Variants in ADGRL2 observed in about 807,000 individuals in gnomAD.
The protein encoded by ADGRL2 is calcium-independent alpha-latrotoxin receptor 2.
In ADGRL2, 44 loss-of-function variants were observed where a neutral mutation model predicts 157.4. That is an observed-to-expected ratio of 0.28 (90% confidence interval 0.22 to 0.36). ADGRL2 has a LOEUF of 0.36. Among genes scored for constraint, ADGRL2 ranks in the 10% least tolerant of loss-of-function variants. The pLI, the probability that ADGRL2 is intolerant of heterozygous loss-of-function variation, is 1.00. For synonymous variants in ADGRL2, 585 were observed against 624.7 expected, an observed-to-expected ratio of 0.94 and a Z score of 0.95; for missense variants, 1,510 against 1,768.9, an observed-to-expected ratio of 0.85 and a Z score of 2.63.
intron 2 of ADGRL2, among the ~76,000 whole-genome samples, chr1:81,866,023 A>G (rs1231894418): frequency 1.3e-5 from 2 of 152,324 alleles, no homozygotes; most frequent in South Asian, 2.1e-4. Context: ...CCAAGATCAC[A>G]TAACTGTTAA....
chr1:81,837,607 A>G (rs1317518593), intron 2 of ADGRL2, among the ~76,000 whole-genome samples: 1 of 151,980 alleles, frequency 6.6e-6, no homozygotes, highest in African/African-American at 2.4e-5. Context: ...TTAAAAATAG[A>G]TGTGGAATTT....
chr1:81,317,953 C>T (rs1303531551), intron 1 of ADGRL2, among the ~76,000 whole-genome samples: 14 of 151,946 alleles, frequency 9.2e-5, no homozygotes, highest in East Asian at 1.9e-4. Context: ...GATGACATTC[C>T]GTGATTGTAT....
chr1:81,610,229 G>GTTT (rs10657640), intron 3 of ADGRL2, among the ~76,000 whole-genome samples: 23,846 of 127,232 alleles, frequency 0.19, 2,537 homozygotes, highest in Non-Finnish European at 0.2. Context: ...TGGCTTGGAG[G>GTTT]TTTTTTTTTT....
At chr1:81,860,101 G>A (rs376789074) in intron 2 of ADGRL2, among the ~76,000 whole-genome samples, 2 of 152,016 alleles carry the variant, frequency 1.3e-5, no homozygotes, top group African/African-American at 4.8e-5. Flanking sequence ...GCAGGTGCTT[G>A]TAATCCCAGC....
chr1:81,641,423 T>A (rs1376843015), intron 3 of ADGRL2, among the ~76,000 whole-genome samples: 2 of 152,158 alleles, frequency 1.3e-5, no homozygotes, highest in African/African-American at 4.8e-5. Flanking sequence ...ACATTCTGGG[T>A]CATAAAACAG....
chr1:81,309,225 A>G (rs571736265), intron 1 of ADGRL2, among the ~76,000 whole-genome samples: 68 of 152,252 alleles, frequency 4.5e-4, no homozygotes, highest in African/African-American at 1.6e-3. Context: ...AATACCGTAT[A>G]TATTTCCTAA....
chr1:81,607,240 A>C (rs2081452991), intron 3 of ADGRL2, among the ~76,000 whole-genome samples: 1 of 152,224 alleles, frequency 6.6e-6, no homozygotes, highest in Non-Finnish European at 1.5e-5. Context: ...AACACACTCG[A>C]AGTTAAACCA....
intron 2 of ADGRL2, among the ~76,000 whole-genome samples, chr1:81,857,518 G>T (rs1302730240): frequency 6.6e-6 from 1 of 152,074 alleles, no homozygotes; most frequent in African/African-American, 2.4e-5. Flanking sequence ...TATTATAATT[G>T]CGTTGACTAG....
chr1:81,897,360 G>A (rs1319037550), intron 2 of ADGRL2, among the ~76,000 whole-genome samples: 1 of 151,990 alleles, frequency 6.6e-6, no homozygotes, highest in East Asian at 1.9e-4. Flanking sequence ...ACTATATACT[G>A]AGACTAATAG....
At chr1:81,432,082 T>C (rs944221515) in intron 1 of ADGRL2, among the ~76,000 whole-genome samples, 2 of 152,220 alleles carry the variant, frequency 1.3e-5, no homozygotes, top group African/African-American at 2.4e-5. Flanking sequence ...CACTTTAAAA[T>C]GTTTATTGCT....
In ADGRL2 at chr1:81,750,349, G is replaced by C. The variant is rs1018033768; in HGVS notation, c.-142-11462G>C. Among the ~76,000 whole-genome samples the C allele has an allele frequency of 6.8e-4, 103 of 152,138 alleles. 2 individuals carry two copies. On this transcript the variant is annotated intron_variant, in intron 1 of 20. Coordinates refer to the ADGRL2 transcript ENST00000359929. ...GATATTGGTTACAGGTAGGATGGTT[G>C]ATCAAAAAGTAAACATATTAAAAAT...
At chr1:81,774,787 G>C (rs1557640514) in intron 2 of ADGRL2, among the ~76,000 whole-genome samples, 1 of 151,858 alleles carries the variant, frequency 6.6e-6, no homozygotes, top group East Asian at 1.9e-4. Flanking sequence ...TAATTTTCTT[G>C]TTGAAGTTAT....
At chr1:81,379,995 G>C (rs984800545) in intron 1 of ADGRL2, among the ~76,000 whole-genome samples, 2 of 152,072 alleles carry the variant, frequency 1.3e-5, no homozygotes, top group Non-Finnish European at 2.9e-5. Flanking sequence ...TTAAACGGAC[G>C]TGTCCTTCCC....
At chr1:81,420,432 A>G (rs2077104691) in intron 1 of ADGRL2, among the ~76,000 whole-genome samples, 1 of 152,226 alleles carries the variant, frequency 6.6e-6, no homozygotes, top group Non-Finnish European at 1.5e-5. Flanking sequence ...ACAATAATGA[A>G]AGCAAATAGA....
chr1:81,416,130 G>A (rs1271991679), intron 1 of ADGRL2, among the ~76,000 whole-genome samples: 2 of 152,110 alleles, frequency 1.3e-5, no homozygotes, highest in Admixed American at 6.5e-5. Context: ...GATTACAGGC[G>A]TGAGCCACTG....
At chr1:81,409,436 T>C (rs539234775) in intron 1 of ADGRL2, among the ~76,000 whole-genome samples, 1 of 152,332 alleles carries the variant, frequency 6.6e-6, no homozygotes, top group South Asian at 2.1e-4. Context: ...AGTATAGCTC[T>C]AAAATTCAGA....
chr1:81,646,345 C>T (rs913510139), intron 3 of ADGRL2, among the ~76,000 whole-genome samples: 2 of 152,152 alleles, frequency 1.3e-5, no homozygotes, highest in African/African-American at 4.8e-5. Context: ...GAGGTTTTCT[C>T]AACTCCAGAT....
intron 1 of ADGRL2, among the ~76,000 whole-genome samples, chr1:81,366,999 A>G (rs1031806655): frequency 2.6e-5 from 4 of 152,192 alleles, no homozygotes; most frequent in Non-Finnish European, 4.4e-5. Context: ...TATGAATTCT[A>G]GTACCATTAA....
intron 2 of ADGRL2, among the ~76,000 whole-genome samples, chr1:81,499,892 G>A (rs754352815): frequency 3.3e-5 from 5 of 151,834 alleles, no homozygotes; most frequent in Non-Finnish European, 7.4e-5. Context: ...ATATTTATAT[G>A]TACATATGTG....
Sources: allele counts gnomAD v4.1 joint callset (sites outside exome capture counted in the v4.1 genomes callset), GRCh38; gene constraint gnomAD v4.1.1; transcripts MANE v1.5; gene names NCBI Gene and HGNC (gene_info 2026-07-23, HGNC 2026-07-21).